CHD7: variants seen among roughly 807,000 people sequenced by gnomAD.
CHD7 encodes chromodomain helicase DNA binding protein 7, also known as ATP-dependent chromatin remodeler CHD7.
CHD7 carries 24 observed loss-of-function variants against 307.3 expected under a neutral mutation model. That is an observed-to-expected ratio of 0.08 (90% confidence interval 0.06 to 0.11). The LOEUF (loss-of-function observed/expected upper bound fraction) is 0.11. Among genes scored for constraint, CHD7 ranks in the 10% least tolerant of loss-of-function variants. The pLI is 1.00. For synonymous variants in CHD7, 1,363 were observed against 1,349.9 expected (o/e 1.01, Z -0.21); for missense variants, 3,106 against 3,727.1 (o/e 0.83, Z 4.34).
chr8:60,791,706 G>A (rs1002258047), intron 3 of CHD7, among the ~76,000 whole-genome samples: 2 of 152,230 alleles, frequency 1.3e-5, no homozygotes, highest in Non-Finnish European at 2.9e-5. Flanking sequence ...TGATGAGGCA[G>A]TGGGGAGCTG....
rs551532048 is a variant in CHD7 at position 60,859,594 on chromosome 8, A to G, written c.7609-1310A>G. On this transcript the variant is annotated intron_variant, in intron 34 of 37. Coordinates refer to ENST00000423902, the MANE Select transcript of CHD7 (RefSeq NM_017780.4). The stretch of plus-strand genomic sequence containing the variant: ...TGGAGGGAAGAGGATATGGGGAGAA[A>G]CAGATGAAGAAGTTTCCCTATGGAT... 3.3e-5 allele frequency among the ~76,000 whole-genome samples: 5 copies of G among 152,284 alleles called. No homozygotes were observed. In the East Asian group the frequency reaches 9.6e-4, roughly 29 times the overall value.
At chr8:60,800,301 G>T in intron 4 of CHD7, 87 bp from the exon 5 acceptor site, 2 of 1,379,950 alleles carry the variant, frequency 1.4e-6, no homozygotes, top group Admixed American at 2.2e-5. Flanking sequence ...CAAAGTGCTG[G>T]GATTACAGGC....
chr8:60,702,346 C>G (rs1292876182), intron 1 of CHD7, among the ~76,000 whole-genome samples: 1 of 152,168 alleles, frequency 6.6e-6, no homozygotes, highest in East Asian at 1.9e-4. Flanking sequence ...TTTAGATGTT[C>G]TTTCTTGTTA....
chr8:60,687,463 C>T (rs1262952097), intron 1 of CHD7, among the ~76,000 whole-genome samples: 1 of 152,064 alleles, frequency 6.6e-6, no homozygotes, highest in African/African-American at 2.4e-5. Flanking sequence ...TATACTTGGC[C>T]TTGTTTGTGC....
In CHD7 at chr8:60,867,243, G is replaced by T. The variant is rs780427369; in HGVS notation, c.*1310G>T. ...AAGAACAAAAGGGCAAAAGAAAAAT[G>T]AGGCTTTAACAGGCACAATATCTAG... On this transcript the variant is annotated 3_prime_UTR_variant, in exon 38 of 38. Transcript: ENST00000423902. 2 of 152,222 alleles carry T rather than the reference G, an allele frequency of 1.3e-5. No homozygotes were observed. The highest frequency in any genetic ancestry group is 1.3e-4 in the Admixed American group (2 of 15,272). 9.4% of individuals were successfully genotyped at this position (152,222 alleles called of 1,614,324 possible). A position where few individuals can be genotyped will look rare whatever the true frequency, so the allele number is the denominator to read the frequency against.
In CHD7 at chr8:60,853,278, G is replaced by T. The variant is rs549508773; in HGVS notation, c.6553G>T (p.Glu2185Ter). The change falls in exon 31 of 38, where the codon GAG becomes TAG. Residue 2185 changes from glutamate (E) to a stop codon, truncating the protein, a stop_gained. Transcript: ENST00000423902. LOFTEE classifies it high-confidence loss of function. ...VEEPENPAAK[E>*]KCEGKEEEEE... is the part of the protein sequence containing the mutation. The stretch of plus-strand genomic sequence containing the variant: ...GGAGCCTGAAAACCCAGCTGCCAAG[G>T]AGAAATGTGAGGGCAAAGAAGAGGA... 6.2e-6 allele frequency: 10 copies of T among 1,611,806 alleles called. No individual in the cohort carries two copies. The African/African-American group carries it at 1.1e-4, about 17-fold the overall frequency.
chr8:60,680,799 C>T (rs1003064718), intron 1 of CHD7, among the ~76,000 whole-genome samples: 3 of 152,224 alleles, frequency 2.0e-5, no homozygotes, highest in African/African-American at 4.8e-5. Context: ...ATACACTATC[C>T]AGCGCTCCAC....
intron 2 of CHD7, among the ~76,000 whole-genome samples, chr8:60,745,706 G>T (rs950456514): frequency 6.6e-6 from 1 of 152,146 alleles, no homozygotes; most frequent in East Asian, 1.9e-4. Flanking sequence ...TAAGGCTAGG[G>T]AGGTGTGAAG....
At chr8:60,825,213 T>C (rs1288381041) in intron 13 of CHD7, 1 of 152,218 alleles carries the variant, frequency 6.6e-6, no homozygotes, top group Non-Finnish European at 1.5e-5. Flanking sequence ...TAAAAGCTTT[T>C]TGTTGCAGCT....
chr8:60,791,866 A>G (rs986525950), intron 3 of CHD7, among the ~76,000 whole-genome samples: 1 of 152,134 alleles, frequency 6.6e-6, no homozygotes, highest in African/African-American at 2.4e-5. Flanking sequence ...CCTTCTATGT[A>G]TGTTGCTTGG....
At chr8:60,768,524 C>G (rs1810574204) in intron 2 of CHD7, among the ~76,000 whole-genome samples, 1 of 152,214 alleles carries the variant, frequency 6.6e-6, no homozygotes. Flanking sequence ...CCATCTGGGC[C>G]AGCACCGCTC....
At position 60,772,873 on chromosome 8, in the gene CHD7, T is replaced by C. The variant is rs934347965; in HGVS notation, c.1666-8127T>C. On this transcript the variant is annotated intron_variant, in intron 2 of 37. Transcript: ENST00000423902. ...TTTACTGCCATAAGGAGCTCAGGAA[T>C]TTAGAACAAGAGGGTGAAAGTATGA... Among the ~76,000 whole-genome samples the C allele has an allele frequency of 3.3e-5, 5 of 152,310 alleles. No homozygotes were observed. The East Asian group carries it at 9.6e-4, about 29-fold the overall frequency.
chr8:60,833,138 A>G (rs555001849), intron 15 of CHD7, among the ~76,000 whole-genome samples: 53 of 152,346 alleles, frequency 3.5e-4, no homozygotes, highest in African/African-American at 1.3e-3. Flanking sequence ...TTAAAAGGAA[A>G]TTCTTTAATT....
rs1446754376 is a variant in CHD7, at chr8:60,741,974, G to A, written c.542G>A (p.Gly181Asp). 1.9e-6 allele frequency: 3 copies of A among 1,613,526 alleles called. No individual in the cohort carries two copies. ...QPAPSGPPAQ[G>D]HPQHMQQMGS... ...GCTCCGTCGGGGCCCCCTGCACAGG[G>A]CCACCCTCAGCACATGCAGCAGATG... The change falls in exon 2 of 38, where the codon GGC becomes GAC. Residue 181 changes from glycine (G) to aspartate (D), a missense_variant. Gly to Asp is a moderately conservative substitution (Grantham distance 94). Around this residue, in one of 10 missense-constraint regions of CHD7, gnomAD observed 998 missense variants for 1,004.5 expected, o/e 0.99. Coordinates refer to ENST00000423902, the MANE Select transcript of CHD7 (RefSeq NM_017780.4).
Position 60,865,253 on chromosome 8 carries a change from C to A in CHD7, c.8314C>A (p.Leu2772Ile). The A allele has an allele frequency of 6.2e-7, 1 of 1,607,280 alleles. No individual in the cohort carries two copies. Among genetic ancestry groups the A allele is most frequent in the Non-Finnish European group, 8.5e-7 (1 of 1,176,922 alleles). The change falls in exon 38 of 38, where the codon CTC becomes ATC. Residue 2772 changes from leucine (L) to isoleucine (I), a missense_variant. By Grantham distance (5) the Leu-to-Ile change is conservative. Coordinates refer to ENST00000423902, the MANE Select transcript of CHD7 (RefSeq NM_017780.4). This position sits in a 1 kb window ranked among gnomAD's most constrained non-coding sequence, Gnocchi z 4.3. ...TCTCCAGTCGCTCCAGCTGGCAGGCCTCATGGGCTTCCCTCCAGGACTGGC... is the reference window on the plus strand; with the variant it reads ...TCTCCAGTCGCTCCAGCTGGCAGGCATCATGGGCTTCCCTCCAGGACTGGC... ...QNLQSLQLAG[L>I]MGFPPGLATA...
chr8:60,708,940 T>A (rs1807148276), intron 1 of CHD7, among the ~76,000 whole-genome samples: 1 of 152,144 alleles, frequency 6.6e-6, no homozygotes, highest in African/African-American at 2.4e-5. Context: ...GGCAGCATCT[T>A]ACGATGCCCT....
chr8:60,848,075 A>G (rs545017640), intron 23 of CHD7, among the ~76,000 whole-genome samples: 1 of 152,334 alleles, frequency 6.6e-6, no homozygotes, highest in South Asian at 2.1e-4. Context: ...TATTCCTACA[A>G]CTTCTGATGT....
intron 27 of CHD7, 24 bp downstream of exon 27, chr8:60,851,128 T>G (rs1393657071): frequency 6.5e-7 from 1 of 1,532,558 alleles, no homozygotes; most frequent in Admixed American, 2.0e-5. Context: ...TATATTGGCT[T>G]TTATAGCTCC....
intron 3 of CHD7, among the ~76,000 whole-genome samples, chr8:60,793,843 C>T (rs965641559): frequency 3.9e-5 from 6 of 152,162 alleles, no homozygotes; most frequent in East Asian, 1.9e-4. Flanking sequence ...AACTGATGGC[C>T]GGGCACAGTG....
Sources: gnomAD v4.1 joint callset for allele counts (sites outside exome capture counted in the v4.1 genomes callset) on GRCh38, gnomAD v4.1.1 for gene constraint, gnomAD v4.1.1 regional missense constraint, Gnocchi (gnomAD v3.1) non-coding constraint, MANE v1.5 for transcripts, NCBI Gene and HGNC (gene_info 2026-07-23, HGNC 2026-07-21) for gene names.